PKNOX2: variants seen among roughly 807,000 people sequenced by gnomAD.
PKNOX2 encodes PBX/knotted 1 homeobox 2.
PKNOX2 carries 14 observed loss-of-function variants against 53.1 expected under a neutral mutation model. The ratio of observed to expected loss-of-function variants is 0.26; its 90% CI spans 0.17 to 0.41. The LOEUF is 0.41. PKNOX2 is among the 10% of genes least tolerant of loss of function. The pLI is 1.00. For synonymous variants in PKNOX2, 257 were observed against 242.8 expected (o/e 1.06, Z -0.54); for missense variants, 496 against 602.8 (o/e 0.82, Z 1.85).
intron 5 of PKNOX2, among the ~76,000 whole-genome samples, chr11:125,378,544 A>C (rs1172812083): frequency 1.3e-5 from 2 of 152,134 alleles, no homozygotes; most frequent in African/African-American, 4.8e-5. Flanking sequence ...CCCACCCCCA[A>C]GAGGGTGAGA....
At chr11:125,277,143 C>T (rs1946225268) in intron 2 of PKNOX2, among the ~76,000 whole-genome samples, 2 of 152,086 alleles carry the variant, frequency 1.3e-5, no homozygotes, top group Admixed American at 1.3e-4. Flanking sequence ...GGGAAGTTGG[C>T]AATGTACATT....
intron 2 of PKNOX2, among the ~76,000 whole-genome samples, chr11:125,256,262 A>C (rs1408198771): frequency 2.0e-5 from 3 of 152,090 alleles, no homozygotes; most frequent in African/African-American, 7.2e-5. Context: ...TCAGGGCCCA[A>C]CTAAACAAAG....
chr11:125,196,963 C>T (rs1440302362), intron 1 of PKNOX2, among the ~76,000 whole-genome samples: 1 of 152,098 alleles, frequency 6.6e-6, no homozygotes, highest in Non-Finnish European at 1.5e-5. Flanking sequence ...TGGATTTTAC[C>T]CTATTGGGTA....
At chr11:125,378,268 G>A (rs1003667053) in intron 5 of PKNOX2, among the ~76,000 whole-genome samples, 4 of 152,202 alleles carry the variant, frequency 2.6e-5, no homozygotes, top group African/African-American at 7.2e-5. Context: ...GAGCGCCACC[G>A]ATCCCTGCGT....
chr11:125,174,845 G>A lies in PKNOX2; in HGVS notation c.-201+10069G>A, dbSNP rs183690674. 8.8e-3 allele frequency among the ~76,000 whole-genome samples: 1,335 copies of A among 152,114 alleles called. 13 individuals are homozygous for A. The highest frequency in any genetic ancestry group is 0.031 in the African/African-American group (1,269 of 41,456). On this transcript the variant is annotated intron_variant, in intron 1 of 12. Transcript: ENST00000298282. ...CGGTGGTGGAAGGAGCTCCTCTCCC[G>A]GCCCCTCTCCCACTCTGCCCCCCAC...
intron 5 of PKNOX2, among the ~76,000 whole-genome samples, chr11:125,373,678 G>A (rs115204277): frequency 0.019 from 2,904 of 152,330 alleles, 101 homozygotes; most frequent in African/African-American, 0.066. Context: ...AAGGTTTCCA[G>A]TCAAGTGGTC....
At chr11:125,182,644 A>C (rs1956219592) in intron 1 of PKNOX2, among the ~76,000 whole-genome samples, 1 of 152,176 alleles carries the variant, frequency 6.6e-6, no homozygotes, top group African/African-American at 2.4e-5. Flanking sequence ...ATTTATTCCC[A>C]GTGTTGGGTT....
At chr11:125,192,104 CA>C (rs1158417991) in intron 1 of PKNOX2, among the ~76,000 whole-genome samples, 1 of 152,056 alleles carries the variant, frequency 6.6e-6, no homozygotes, top group Non-Finnish European at 1.5e-5. Context: ...GGAATTGCGG[CA>C]GGGGGAGGGC....
chr11:125,264,230 G>C (rs2135751448), intron 2 of PKNOX2, among the ~76,000 whole-genome samples: 1 of 152,220 alleles, frequency 6.6e-6, no homozygotes. Flanking sequence ...ATTGTCTGGG[G>C]GCCAGGATGG....
chr11:125,239,466 T>A (rs1033980717), intron 2 of PKNOX2: 5 of 152,200 alleles, frequency 3.3e-5, no homozygotes, highest in Non-Finnish European at 7.3e-5. Flanking sequence ...TTTATTTCAG[T>A]TGGCTGGAGG....
rs1477045241 is a variant in PKNOX2 at position 125,166,598 on chromosome 11, G to A, written c.-201+1822G>A. 6.6e-6 allele frequency among the ~76,000 whole-genome samples: 1 copy of A among 152,154 alleles called. No individual in the cohort carries two copies. Among genetic ancestry groups the A allele is most frequent in the Non-Finnish European group, 1.5e-5 (1 of 68,022 alleles). The stretch of plus-strand genomic sequence containing the variant: ...GGGGCGGGAGCGGTGGCCCGCAGGG[G>A]CCGCGGCCTGCGATGAAGGCCGGGG... On this transcript the variant is annotated intron_variant, in intron 1 of 12. Transcript: ENST00000298282. The surrounding 1 kb of genome is among the most constrained non-coding windows in gnomAD (Gnocchi z 4.0).
At chr11:125,258,946 A>G in intron 2 of PKNOX2, 1 of 298,258 alleles carries the variant, frequency 3.4e-6, no homozygotes, top group African/African-American at 2.2e-5. Context: ...AAAACAGCAA[A>G]CCCTAGTTCA....
At position 125,367,875 on chromosome 11, in the gene PKNOX2, G is replaced by A. The variant is rs774045139; in HGVS notation, c.117G>A (p.Lys39=). The A allele has an allele frequency of 1.6e-5, 26 of 1,613,272 alleles. No homozygotes were observed. The highest frequency in any genetic ancestry group is 2.2e-5 in the Non-Finnish European group (26 of 1,179,828). ...QMTATAQPPS[K]AQAVHISAPS... is the part of the protein sequence containing the mutation. ...CGGCAACCGCCCAGCCACCCTCCAA[G>A]GCCCAGGCTGTCCACATCTCTGCCC... The change falls in exon 5 of 13, where the codon AAG becomes AAA. Residue 39 remains lysine (K), a synonymous_variant. Coordinates refer to ENST00000298282, the MANE Select transcript of PKNOX2 (RefSeq NM_001382323.2).
chr11:125,298,533 C>T (rs1947809678), intron 2 of PKNOX2, among the ~76,000 whole-genome samples: 1 of 152,192 alleles, frequency 6.6e-6, no homozygotes. Context: ...GAAACTCAGC[C>T]TCCCTCTGTG....
chr11:125,326,860 G>T (rs1010247770), intron 2 of PKNOX2, among the ~76,000 whole-genome samples: 7 of 152,216 alleles, frequency 4.6e-5, no homozygotes, highest in South Asian at 4.1e-4. Flanking sequence ...GATGAAGCTG[G>T]TCCTGGCTGC....
intron 2 of PKNOX2, among the ~76,000 whole-genome samples, chr11:125,304,224 C>T (rs1489011713): frequency 6.6e-6 from 1 of 152,214 alleles, no homozygotes; most frequent in Non-Finnish European, 1.5e-5. Flanking sequence ...GCAGCCCCAG[C>T]CCCAGGGGCC....
intron 10 of PKNOX2, among the ~76,000 whole-genome samples, chr11:125,426,579 G>T (rs1349217005): frequency 1.4e-5 from 2 of 145,346 alleles, no homozygotes. Flanking sequence ...ATCCTTCAAC[G>T]TTGGCCTCTT....
chr11:125,292,221 G>T (rs1028049021), intron 2 of PKNOX2, among the ~76,000 whole-genome samples: 1 of 152,240 alleles, frequency 6.6e-6, no homozygotes, highest in Non-Finnish European at 1.5e-5. Context: ...AGTTCTGCCA[G>T]ACTGGTGTGT....
Position 125,213,874 on chromosome 11 carries a change from C to T in PKNOX2, c.-200-21171C>T, listed in dbSNP as rs182055685. Among the ~76,000 whole-genome samples, 392 of 152,184 alleles carry T rather than the reference C, an allele frequency of 2.6e-3. 10 individuals carry two copies. Among genetic ancestry groups the T allele is most frequent in the Non-Finnish European group, 5.6e-4 (38 of 67,972 alleles). ...CACAGAGGAAAAAAGCCCCAAACCACGTATGTGGAAAGTAAAGACAAGGAC... is the reference window on the plus strand; with the variant it reads ...CACAGAGGAAAAAAGCCCCAAACCATGTATGTGGAAAGTAAAGACAAGGAC... On this transcript the variant is annotated intron_variant, in intron 1 of 12. Coordinates refer to ENST00000298282, the MANE Select transcript of PKNOX2 (RefSeq NM_001382323.2).
Sources: allele counts gnomAD v4.1 joint callset (sites outside exome capture counted in the v4.1 genomes callset), GRCh38; gene constraint gnomAD v4.1.1; non-coding constraint Gnocchi (gnomAD v3.1); transcripts MANE v1.5; gene names NCBI Gene and HGNC (gene_info 2026-07-23, HGNC 2026-07-21).